Variants in STAU2 observed in about 807,000 individuals in gnomAD.
STAU2 encodes staufen double-stranded RNA binding protein 2, also known as double-stranded RNA-binding protein Staufen homolog 2.
In STAU2, 20 loss-of-function variants were observed where a neutral mutation model predicts 65.9. The ratio of observed to expected loss-of-function variants is 0.30; its 90% confidence interval spans 0.21 to 0.44. The LOEUF (loss-of-function observed/expected upper bound fraction) is 0.44, where lower values mean the gene tolerates loss of function less well. Ranked by LOEUF, STAU2 falls within the 20% of genes least tolerant of loss-of-function variation. The pLI, the probability that STAU2 is intolerant of heterozygous loss-of-function variation, is 1.00. For synonymous variants in STAU2, 232 were observed against 233.9 expected, an observed-to-expected ratio of 0.99 and a Z score of 0.07; for missense variants, 558 against 683.9, an observed-to-expected ratio of 0.82 and a Z score of 2.05.
intron 13 of STAU2, among the ~76,000 whole-genome samples, chr8:73,457,799 A>G (rs573777094): frequency 2.6e-5 from 4 of 152,204 alleles, no homozygotes; most frequent in Admixed American, 2.6e-4. Context: ...TAGGGAGTGC[A>G]TGGGCACCAA....
rs994907243 is a variant in STAU2 at position 73,628,691 on chromosome 8, T to C, written c.411-11240A>G. Among the ~76,000 whole-genome samples the C allele has an allele frequency of 1.2e-4, 18 of 152,310 alleles. No homozygotes were observed. In the East Asian group the frequency reaches 2.5e-3, roughly 21 times the overall value. ...AAGCATATGTTTTTGAAAAGTTTGT[T>C]AGAAGTATAAAAAGCATGAAAGTAT... On this transcript the variant is annotated intron_variant, in intron 6 of 14. Transcript: ENST00000524300.
intron 13 of STAU2, among the ~76,000 whole-genome samples, chr8:73,518,079 G>C (rs952595844): frequency 1.3e-5 from 2 of 152,136 alleles, no homozygotes; most frequent in African/African-American, 4.8e-5. Flanking sequence ...TTTCTAAATG[G>C]AATTTCAGCA....
At chr8:73,746,860 C>G, upstream of STAU2, 1 of 1,210,244 alleles carries the variant, frequency 8.3e-7, no homozygotes, top group South Asian at 4.1e-5. Flanking sequence ...CGGCCGCCGC[C>G]GGCTTCCACC....
chr8:73,711,946 CTTTA>C (rs1820932618), intron 3 of STAU2, among the ~76,000 whole-genome samples: 1 of 151,964 alleles, frequency 6.6e-6, no homozygotes, highest in African/African-American at 2.4e-5. Context: ...ATAGTTGTTC[CTTTA>C]TTTAATGAGA....
In STAU2 at chr8:73,705,839, T is replaced by A. The variant is rs568890827; in HGVS notation, c.114+3193A>T. Among the ~76,000 whole-genome samples the A allele has an allele frequency of 2.6e-5, 4 of 152,316 alleles. No homozygotes were observed. In the East Asian group the frequency reaches 7.7e-4, roughly 29 times the overall value. ...TAGGTCACTACCTGTCAGCATGATA[T>A]AAGAGAAGACAATTCCATACCATAC... On this transcript the variant is annotated intron_variant, in intron 4 of 14. Transcript: ENST00000524300.
chr8:73,742,291 TG>T, intron 1 of STAU2: 1 of 963,620 alleles, frequency 1.0e-6, no homozygotes, highest in Non-Finnish European at 1.2e-6. Flanking sequence ...CCAGCACTTT[TG>T]GAGTCTGAGG....
At chr8:73,599,012 A>ATTT (rs1811426234) in intron 10 of STAU2, among the ~76,000 whole-genome samples, 1 of 152,252 alleles carries the variant, frequency 6.6e-6, no homozygotes, top group Non-Finnish European at 1.5e-5. Context: ...TGCCATGTTC[A>ATTT]TGGATTGAAG....
At chr8:73,666,641 T>C (rs1027597793) in intron 6 of STAU2, among the ~76,000 whole-genome samples, 4 of 152,212 alleles carry the variant, frequency 2.6e-5, no homozygotes, top group African/African-American at 9.6e-5. Context: ...GGCCAAGAAC[T>C]GGATACATTA....
At position 73,492,272 on chromosome 8, in the gene STAU2, C is replaced by T. The variant is rs141973855; in HGVS notation, c.1530+59740G>A. Among the ~76,000 whole-genome samples the T allele has an allele frequency of 6.0e-4, 91 of 151,950 alleles. 2 individuals carry two copies. The highest frequency in any genetic ancestry group is 2.0e-3 in the African/African-American group (84 of 41,496). On this transcript the variant is annotated intron_variant, in intron 13 of 14. Coordinates refer to ENST00000524300, the MANE Select transcript of STAU2 (RefSeq NM_001164380.2). ...CCATTAAATGAGCTCAGACTGTTTT[C>T]TATTGTTAAGAATTTTTTAGTTGTT...
intron 12 of STAU2, among the ~76,000 whole-genome samples, chr8:73,576,532 G>A (rs192481905): frequency 8.6e-4 from 131 of 152,146 alleles, no homozygotes; most frequent in African/African-American, 2.9e-3. Context: ...TGCTGGGGGA[G>A]GCATAGCCAA....
chr8:73,481,386 T>C (rs756769664), intron 13 of STAU2, among the ~76,000 whole-genome samples: 1 of 151,860 alleles, frequency 6.6e-6, no homozygotes, highest in Non-Finnish European at 1.5e-5. Flanking sequence ...CCTCAGGTTC[T>C]CTGAAAAGTC....
At chr8:73,619,886 T>C (rs1019047082) in intron 6 of STAU2, among the ~76,000 whole-genome samples, 4 of 152,206 alleles carry the variant, frequency 2.6e-5, no homozygotes, top group African/African-American at 9.6e-5. Flanking sequence ...AAAGTTGCTG[T>C]TTTAAATGCT....
rs375018053 is a variant in STAU2 at position 73,523,676 on chromosome 8, T to C, written c.1530+28336A>G. ...CAGAATGTCATATAAATGGAATCTA[T>C]AGTATGTAGCCTTTCGAATGGTTTC... On this transcript the variant is annotated intron_variant, in intron 13 of 14. Transcript: ENST00000524300. 6.4e-4 allele frequency among the ~76,000 whole-genome samples: 98 copies of C among 152,260 alleles called. No individual in the cohort carries two copies. The South Asian group carries it at 0.019, about 30-fold the overall frequency.
intron 12 of STAU2, among the ~76,000 whole-genome samples, chr8:73,574,752 T>G (rs1809389361): frequency 6.6e-6 from 1 of 152,054 alleles, no homozygotes; most frequent in Non-Finnish European, 1.5e-5. Context: ...CACTGGGGCC[T>G]GTCATGGGGT....
intron 13 of STAU2, among the ~76,000 whole-genome samples, chr8:73,492,717 T>G (rs1216618458): frequency 2.0e-5 from 3 of 151,850 alleles, no homozygotes; most frequent in Non-Finnish European, 4.4e-5. Flanking sequence ...AAAGACAGAT[T>G]GGATTTATAC....
At position 73,556,938 on chromosome 8, in the gene STAU2, TAA is replaced by T. The variant is rs139844794; in HGVS notation, c.1223-4621_1223-4620del. On this transcript the variant is annotated intron_variant, in intron 12 of 14. Coordinates refer to ENST00000524300, the MANE Select transcript of STAU2 (RefSeq NM_001164380.2). ...CTTCAATTATACCTCAATAAAGTTG[TAA>T]AAAAAAATTGCCAATTTGACAAATG... 3.2e-3 allele frequency among the ~76,000 whole-genome samples: 480 copies of T among 151,768 alleles called. 2 individuals are homozygous for T. Among genetic ancestry groups the T allele is most frequent in the African/African-American group, 0.011 (466 of 41,410 alleles).
At chr8:73,541,532 T>A (rs974654795) in intron 13 of STAU2, among the ~76,000 whole-genome samples, 1 of 152,192 alleles carries the variant, frequency 6.6e-6, no homozygotes, top group Non-Finnish European at 1.5e-5. Flanking sequence ...ATGTCCATTT[T>A]TCAAACAGAA....
At chr8:73,527,855 G>T in intron 13 of STAU2, 1 of 870,152 alleles carries the variant, frequency 1.1e-6, no homozygotes, top group Non-Finnish European at 1.7e-6. Flanking sequence ...GAGGGGACAA[G>T]ATGCAAATAG....
intron 14 of STAU2, among the ~76,000 whole-genome samples, 173 bp from the exon 15 acceptor site, chr8:73,421,638 T>C (rs917773787): frequency 6.6e-6 from 1 of 152,252 alleles, no homozygotes; most frequent in Non-Finnish European, 1.5e-5. Context: ...TGGAAATGTT[T>C]TTGATTAAAT....
Sources: allele counts gnomAD v4.1 joint callset (sites outside exome capture counted in the v4.1 genomes callset), GRCh38; gene constraint gnomAD v4.1.1; transcripts MANE v1.5; gene names NCBI Gene and HGNC (gene_info 2026-07-23, HGNC 2026-07-21).